The following COG6 variants were observed in gnomAD, a reference collection of about 807,000 sequenced individuals.
COG6 encodes conserved oligomeric Golgi complex subunit 6.
COG6 carries 74 observed loss-of-function variants against 88.8 expected under a neutral mutation model. The ratio of observed to expected loss-of-function variants is 0.83; its 90% CI spans 0.69 to 1.01. The LOEUF (loss-of-function observed/expected upper bound fraction) is 1.01, where lower values mean the gene tolerates loss of function less well. Among genes scored for constraint, COG6 ranks in the 50% least tolerant of loss-of-function variants. The pLI, the probability that COG6 is intolerant of heterozygous loss-of-function variation, is 0.00. For synonymous variants in COG6, 286 were observed against 278.7 expected (o/e 1.03, Z -0.26); for missense variants, 800 against 797.9 (o/e 1.00, Z -0.03).
At chr13:39,664,704 A>G (rs4275735) in intron 3 of COG6, among the ~76,000 whole-genome samples, 100,512 of 152,076 alleles carry the variant, frequency 0.66, 33,449 homozygotes, top group Admixed American at 0.77. Flanking sequence ...CCACACTAGC[A>G]TTTCAGTGAC....
At position 39,745,991 on chromosome 13, in the gene COG6, C is replaced by G. The variant is rs1302145258; in HGVS notation, c.1827-4955C>G. Among the ~76,000 whole-genome samples the G allele has an allele frequency of 2.0e-5, 3 of 152,008 alleles. No individual in the cohort carries two copies. In the East Asian group the frequency reaches 5.8e-4, roughly 29 times the overall value. On this transcript the variant is annotated intron_variant, in intron 18 of 18. Transcript: ENST00000455146. ...AGCACACTGTCCCAAGGACAGAAAA[C>G]CAAACACCACGTGTTCTCACTCATA...
Position 39,752,423 on chromosome 13 carries a change from T to A in COG6, c.*1330T>A, listed in dbSNP as rs928741004. ...TAATCGTTATCCATTTGGGTATAAATCTGTATTTTTAGTTTTTTCCCTTTG... is the reference window on the plus strand; with the variant it reads ...TAATCGTTATCCATTTGGGTATAAAACTGTATTTTTAGTTTTTTCCCTTTG... On this transcript the variant is annotated 3_prime_UTR_variant, in exon 19 of 19. Transcript: ENST00000455146. 3 of 1,039,600 alleles carry A rather than the reference T, an allele frequency of 2.9e-6. No individual in the cohort carries two copies. Among genetic ancestry groups the A allele is most frequent in the African/African-American group, 1.7e-5 (1 of 59,504 alleles). The allele number at this position is 1,039,600 out of a possible 1,614,324, so 64.4% of individuals were successfully genotyped here. A position where few individuals can be genotyped will look rare whatever the true frequency, so the allele number is the denominator to read the frequency against.
intron 4 of COG6, among the ~76,000 whole-genome samples, chr13:39,667,736 G>T (rs6563740): frequency 0.65 from 99,409 of 151,874 alleles, 32,793 homozygotes; most frequent in Admixed American, 0.77. Context: ...AAAAAGTGGG[G>T]CTGGGCAAGA....
At chr13:39,769,394 G>T (rs1881256297) in intron 18 of COG6, among the ~76,000 whole-genome samples, 1 of 152,206 alleles carries the variant, frequency 6.6e-6, no homozygotes, top group South Asian at 2.1e-4. Flanking sequence ...GATATTAAGA[G>T]TACATTTAGA....
chr13:39,703,876 G>A (rs1877727238), intron 13 of COG6, among the ~76,000 whole-genome samples: 3 of 151,866 alleles, frequency 2.0e-5, no homozygotes, highest in South Asian at 2.1e-4. Flanking sequence ...ATAGGTGCAT[G>A]CCACCATGCC....
intron 4 of COG6, among the ~76,000 whole-genome samples, chr13:39,668,516 C>G (rs1875409006): frequency 6.6e-6 from 1 of 152,104 alleles, no homozygotes; most frequent in Non-Finnish European, 1.5e-5. Context: ...AGGCCGGGCG[C>G]CGTAGCTCAC....
intron 3 of COG6, among the ~76,000 whole-genome samples, chr13:39,662,731 T>C (rs1314839243): frequency 2.0e-5 from 3 of 152,184 alleles, no homozygotes; most frequent in African/African-American, 7.2e-5. Flanking sequence ...TTGATCCACA[T>C]ATCATTTTTA....
Position 39,677,554 on chromosome 13 carries a change from G to T in COG6, c.515G>T (p.Gly172Val), listed in dbSNP as rs144788574. The T allele has an allele frequency of 3.1e-6, 5 of 1,609,578 alleles. No individual in the cohort carries two copies. In the South Asian group the frequency reaches 5.5e-5, roughly 18 times the overall value. The change falls in exon 5 of 19, where the codon GGT becomes GTT. Residue 172 changes from glycine to valine, a missense_variant. By Grantham distance (109) the Gly-to-Val change is moderately radical. Coordinates refer to ENST00000455146, the MANE Select transcript of COG6 (RefSeq NM_020751.3). ...TCTGATGAAATGAGTCTTCTCCGAG[G>T]TACAAGAGAAGGACCCATTACTGAG... ...LTSDEMSLLR[G>V]TREGPITEDF...
intron 18 of COG6, among the ~76,000 whole-genome samples, chr13:39,743,293 A>T (rs978657352): frequency 6.6e-6 from 1 of 152,012 alleles, no homozygotes. Flanking sequence ...AAAAACCCTT[A>T]AAAAAATCAA....
chr13:39,658,383 T>A (rs1874667731), intron 1 of COG6, among the ~76,000 whole-genome samples: 2 of 152,006 alleles, frequency 1.3e-5, no homozygotes, highest in Non-Finnish European at 2.9e-5. Context: ...CATCAAACTA[T>A]CCTCCCAACT....
chr13:39,667,290 T>A (rs1875333626), intron 4 of COG6, among the ~76,000 whole-genome samples: 1 of 152,214 alleles, frequency 6.6e-6, no homozygotes, highest in Non-Finnish European at 1.5e-5. Flanking sequence ...CATAATTTCA[T>A]GCATTTAATC....
chr13:39,719,536 T>G (rs1306270474), intron 14 of COG6, 124 bp from the exon 15 acceptor site: 1 of 1,198,066 alleles, frequency 8.3e-7, no homozygotes, highest in Admixed American at 1.9e-5. Context: ...GATTTATGTT[T>G]AATCTTTTCC....
At chr13:39,708,578 AG>A (rs1566189497) in intron 13 of COG6, among the ~76,000 whole-genome samples, 1 of 152,100 alleles carries the variant, frequency 6.6e-6, no homozygotes, top group Non-Finnish European at 1.5e-5. Context: ...GTAGGGGTCA[AG>A]TTTAATTTGT....
chr13:39,785,522 GA>G (rs1325609324), intron 18 of COG6: 1 of 152,076 alleles, frequency 6.6e-6, no homozygotes, highest in Non-Finnish European at 1.5e-5. Flanking sequence ...TTCTCAGATT[GA>G]AAATTAACTT....
In COG6 at chr13:39,687,728, C is replaced by T. The variant is rs777628159; in HGVS notation, c.938C>T (p.Ala313Val). Residue 313 changes from alanine (A) to valine (V), a missense_variant, in exon 10 of 19, where the codon GCT becomes GTT. Ala to Val is a moderately conservative substitution (Grantham distance 64). Transcript: ENST00000455146. ...ATTAGGTATGTAGGAGATATGTTGG[C>T]TTGGCTCCATCAAGCTACTGCTTCT... Reference protein sequence around the residue: ...DPLRYVGDMLAWLHQATASEK... With the variant: ...DPLRYVGDMLVWLHQATASEK... 1 of 1,613,998 alleles carries T rather than the reference C, an allele frequency of 6.2e-7. No individual in the cohort carries two copies. The highest frequency in any genetic ancestry group is 1.1e-5 in the South Asian group (1 of 91,068).
intron 18 of COG6, among the ~76,000 whole-genome samples, 165 bp from the exon 19 acceptor site, chr13:39,750,781 C>T (rs1451921039): frequency 6.6e-6 from 1 of 151,734 alleles, no homozygotes; most frequent in Non-Finnish European, 1.5e-5. Context: ...ATATTTTATC[C>T]CAAAATTAGG....
At chr13:39,734,422 GT>G (rs980829241) in intron 18 of COG6, among the ~76,000 whole-genome samples, 1 of 151,930 alleles carries the variant, frequency 6.6e-6, no homozygotes, top group Non-Finnish European at 1.5e-5. Context: ...AATTATTATT[GT>G]TATTGATTTT....
chr13:39,715,494 C>T (rs543268058), intron 13 of COG6, among the ~76,000 whole-genome samples: 28 of 152,042 alleles, frequency 1.8e-4, no homozygotes, highest in African/African-American at 6.7e-4. Context: ...GCTCTGGTTT[C>T]TATAGCTGTC....
chr13:39,746,774 A>T (rs1353562900), intron 18 of COG6, among the ~76,000 whole-genome samples: 2 of 152,198 alleles, frequency 1.3e-5, no homozygotes, highest in Non-Finnish European at 2.9e-5. Flanking sequence ...CATAGTAATT[A>T]TTACTGTAAA....
Sources: allele counts gnomAD v4.1 joint callset (sites outside exome capture counted in the v4.1 genomes callset), GRCh38; gene constraint gnomAD v4.1.1; transcripts MANE v1.5; gene names NCBI Gene and HGNC (gene_info 2026-07-23, HGNC 2026-07-21).